LTN1: variants seen among roughly 807,000 people sequenced by gnomAD.
LTN1 encodes listerin E3 ubiquitin protein ligase 1.
A neutral mutation model predicts 201.2 loss-of-function variants in LTN1; 88 were observed. The ratio of observed to expected loss-of-function variants is 0.44; its 90% CI spans 0.37 to 0.52. The LOEUF (loss-of-function observed/expected upper bound fraction) is 0.52, where lower values mean the gene tolerates loss of function less well. Ranked by LOEUF, LTN1 falls within the 20% of genes least tolerant of loss-of-function variation. LTN1 has a pLI of 0.00. For missense variants in LTN1, 1,752 were observed against 2,038.7 expected (o/e 0.86, Z 2.71); for synonymous variants, 645 against 713.5 (o/e 0.90, Z 1.53).
At chr21:28,959,284 C>T (rs573802896) in intron 13 of LTN1, 174 bp downstream of exon 13, 17 of 673,932 alleles carry the variant, frequency 2.5e-5, no homozygotes, top group Non-Finnish European at 3.4e-5. Context: ...CATCTACGTA[C>T]ATCTTTAACT....
Position 28,931,218 on chromosome 21 carries a change from G to A in LTN1, c.5175C>T (p.Phe1725=). 6.2e-7 allele frequency: 1 copy of A among 1,613,414 alleles called. No individual in the cohort carries two copies. Among genetic ancestry groups the A allele is most frequent in the Non-Finnish European group, 8.5e-7 (1 of 1,179,564 alleles). ...AGGCTTTTTTGGGAAGGGAATAGTT[G>A]AAACCGTGAATGACTGAGAAACAGA... is the stretch of plus-strand genomic sequence containing the variant. ...CMICFSVIHG[F]NYSLPKKACR... Residue 1725 remains phenylalanine (F), a synonymous_variant, in exon 29 of 30, where the codon TTC becomes TTT. Coordinates refer to ENST00000361371, the MANE Select transcript of LTN1 (RefSeq NM_015565.3).
intron 5 of LTN1, 98 bp downstream of exon 5, chr21:28,982,218 A>C: frequency 8.9e-7 from 1 of 1,123,548 alleles, no homozygotes; most frequent in South Asian, 1.3e-5. Context: ...CTCTGTCTCA[A>C]AAAAAAAACA....
chr21:28,984,614 TAA>T lies in LTN1; in HGVS notation c.576+76_576+77del. ...TTACTCATTCCCCTACAATCCCAAG[TAA>T]AAGAGCTGTCATTATGCTTATAACC... On this transcript the variant is annotated intron_variant, in intron 4 of 29. Transcript: ENST00000361371. The T allele has an allele frequency of 2.9e-6, 3 of 1,019,492 alleles. No individual in the cohort carries two copies. The South Asian group carries it at 4.6e-5, about 15-fold the overall frequency. The allele number at this position is 1,019,492 out of a possible 1,614,324, so 63.2% of individuals were successfully genotyped here.
chr21:28,941,741 G>T (rs944563333), intron 24 of LTN1, among the ~76,000 whole-genome samples: 1 of 151,992 alleles, frequency 6.6e-6, no homozygotes, highest in African/African-American at 2.4e-5. Flanking sequence ...AATCCTACCC[G>T]GCCTTTTATC....
intron 17 of LTN1, among the ~76,000 whole-genome samples, chr21:28,952,724 T>C (rs1426535107): frequency 6.6e-6 from 1 of 152,144 alleles, no homozygotes; most frequent in Non-Finnish European, 1.5e-5. Flanking sequence ...CAAAATACTA[T>C]CGGCAAGTGA....
Position 28,966,370 on chromosome 21 carries a change from C to G in LTN1, c.2121G>C (p.Lys707Asn). 1.3e-6 allele frequency: 2 copies of G among 1,599,678 alleles called. No homozygotes were observed. Among genetic ancestry groups the G allele is most frequent in the Non-Finnish European group, 1.7e-6 (2 of 1,174,110 alleles). ...ERKKVLDDLTKVDLKWNSLLK... is the reference protein window; with the variant it reads ...ERKKVLDDLTNVDLKWNSLLK... ...TTGAAAAGATATACAACAGGAATAC[C>G]TTGGTTAGATCATCCAAGACTTTTT... The change falls in exon 10 of 30, where the codon AAG becomes AAC. Residue 707 changes from lysine to asparagine, a missense_variant and splice_region_variant. Transcript: ENST00000361371.
chr21:28,988,113 G>A (rs1428167075), intron 1 of LTN1, among the ~76,000 whole-genome samples: 1 of 135,638 alleles, frequency 7.4e-6, no homozygotes, highest in Non-Finnish European at 1.5e-5. Flanking sequence ...TTGCACTCCA[G>A]CCTGGGTGAC....
At chr21:28,969,629 T>G (rs769113223) in intron 8 of LTN1, 28 bp from the exon 9 acceptor site, 2 of 1,537,412 alleles carry the variant, frequency 1.3e-6, no homozygotes, top group South Asian at 1.2e-5. Flanking sequence ...ACTGGATTAC[T>G]CTTTCATGAA....
intron 12 of LTN1, among the ~76,000 whole-genome samples, chr21:28,960,127 G>A (rs1445669888): frequency 6.6e-6 from 1 of 152,174 alleles, no homozygotes; most frequent in Non-Finnish European, 1.5e-5. Flanking sequence ...AGCACTTTGG[G>A]AGGCTGAGGC....
intron 18 of LTN1, among the ~76,000 whole-genome samples, chr21:28,949,111 G>A (rs1236249720): frequency 1.3e-5 from 2 of 152,092 alleles, no homozygotes; most frequent in Admixed American, 1.3e-4. Context: ...TATTAGTAAG[G>A]CAAATCCTTT....
intron 12 of LTN1, 54 bp from the exon 13 acceptor site, chr21:28,959,751 T>G (rs1160524249): frequency 6.5e-6 from 9 of 1,377,814 alleles, no homozygotes; most frequent in Middle Eastern, 5.2e-4. Context: ...ACGTGTATTT[T>G]TAAATATCTT....
chr21:28,974,210 C>T (rs923592489), intron 6 of LTN1, among the ~76,000 whole-genome samples: 19 of 152,254 alleles, frequency 1.2e-4, no homozygotes, highest in African/African-American at 4.6e-4. Flanking sequence ...AACATCTACT[C>T]TTCAAAAACA....
rs752146236 is a variant in LTN1 at position 28,943,297 on chromosome 21, T to A, written c.4260A>T (p.Leu1420=). ...PELPQYDQDN[L]KSYGDEEEEP... ...CTTCTTCTTCATCTCCGTATGACTT[T>A]AGATTATCCTGATCATACTGTGGTA... Residue 1420 remains leucine (L), a synonymous_variant, in exon 24 of 30, where the codon CTA becomes CTT. Transcript: ENST00000361371. 8.7e-6 allele frequency: 14 copies of A among 1,603,742 alleles called. No individual in the cohort carries two copies. Among genetic ancestry groups the A allele is most frequent in the African/African-American group, 1.3e-5 (1 of 74,632 alleles).
chr21:28,949,971 T>C (rs2084369761), intron 18 of LTN1, among the ~76,000 whole-genome samples: 1 of 152,202 alleles, frequency 6.6e-6, no homozygotes, highest in Non-Finnish European at 1.5e-5. Flanking sequence ...ATTTGTCTAC[T>C]CTTCAATTTC....
chr21:28,942,289 C>T (rs1362276256), intron 24 of LTN1, among the ~76,000 whole-genome samples: 1 of 152,094 alleles, frequency 6.6e-6, no homozygotes, highest in Non-Finnish European at 1.5e-5. Flanking sequence ...TTCACATTGC[C>T]CTCCATGCAT....
chr21:28,947,616 G>C lies in LTN1; in HGVS notation c.3345-10C>G. 1.5e-6 allele frequency: 2 copies of C among 1,371,328 alleles called. No individual in the cohort carries two copies. The highest frequency in any genetic ancestry group is 1.9e-6 in the Non-Finnish European group (2 of 1,035,066). 84.9% of individuals were successfully genotyped at this position (1,371,328 alleles called of 1,614,324 possible). A position where few individuals can be genotyped will look rare whatever the true frequency, so the allele number is the denominator to read the frequency against. ...AGTTAGTGGAAAAAAACTGTTTAAA[G>C]AAAAAAAAAACACAAGTTAGATTTC... On this transcript the variant is annotated splice_polypyrimidine_tract_variant and intron_variant, in intron 18 of 29. Coordinates refer to ENST00000361371, the MANE Select transcript of LTN1 (RefSeq NM_015565.3).
chr21:28,986,205 C>G lies in LTN1; in HGVS notation c.279G>C (p.Glu93Asp). 3 of 1,613,334 alleles carry G rather than the reference C, an allele frequency of 1.9e-6. No homozygotes were observed. Among genetic ancestry groups the G allele is most frequent in the Non-Finnish European group, 2.5e-6 (3 of 1,179,408 alleles). The change falls in exon 3 of 30, where the codon GAG becomes GAC. Residue 93 changes from glutamate (E) to aspartate (D), a missense_variant. Physicochemically the swap from Glu to Asp is conservative, Grantham distance 45. This residue lies in a region of LTN1 where 280 missense variants were observed against 375.7 expected (regional missense o/e 0.75). Coordinates refer to ENST00000361371, the MANE Select transcript of LTN1 (RefSeq NM_015565.3). The surrounding 1 kb of genome is among the most constrained non-coding windows in gnomAD (Gnocchi z 4.1). ...CTCCTTTCACAGTTTCTGTGTCTCT[C>G]TCTGTACACATGGTTCCAAATTCCT... ...AMQEFGTMCTERDTETVKGVL... is the reference protein window; with the variant it reads ...AMQEFGTMCTDRDTETVKGVL...
In LTN1 at chr21:28,959,307, C is replaced by T. The variant is rs1234392523; in HGVS notation, c.2593+151G>A. The T allele has an allele frequency of 4.8e-6, 4 of 838,550 alleles. No homozygotes were observed. The African/African-American group carries it at 6.8e-5, about 14-fold the overall frequency. The allele number at this position is 838,550 out of a possible 1,614,324, so 51.9% of individuals were successfully genotyped here. A position where few individuals can be genotyped will look rare whatever the true frequency, so the allele number is the denominator to read the frequency against. Reference sequence around the variant, plus strand: ...TACATCTTTAACTTGCTTTCTAGAGCTGAAAGTGTTTAAGACTGTAGCCCT... The same window carrying T: ...TACATCTTTAACTTGCTTTCTAGAGTTGAAAGTGTTTAAGACTGTAGCCCT... On this transcript the variant is annotated intron_variant, in intron 13 of 29. Transcript: ENST00000361371.
In LTN1 at chr21:28,953,291, T is replaced by C; in HGVS notation, c.3165A>G (p.Gln1055=). 6.2e-7 allele frequency: 1 copy of C among 1,608,248 alleles called. No homozygotes were observed. Among genetic ancestry groups the C allele is most frequent in the Non-Finnish European group, 8.5e-7 (1 of 1,177,714 alleles). The change falls in exon 17 of 30, where the codon CAA becomes CAG. Residue 1055 remains glutamine (Q), a synonymous_variant. Transcript: ENST00000361371. ...AGTTATCATACGTAATATTCATTTT[T>C]TGAAGTATTTCACAAAATCCAATTA... The part of the protein sequence containing the change: ...IFLIGFCEIL[Q]KMNITYDNLR...
Sources: allele counts gnomAD v4.1 joint callset (sites outside exome capture counted in the v4.1 genomes callset), GRCh38; gene constraint gnomAD v4.1.1; regional missense constraint gnomAD v4.1.1; non-coding constraint Gnocchi (gnomAD v3.1); transcripts MANE v1.5; gene names NCBI Gene and HGNC (gene_info 2026-07-23, HGNC 2026-07-21).